Variants in ZNF266 observed in about 807,000 individuals in gnomAD.
ZNF266 encodes zinc finger protein 1.
A neutral mutation model predicts 16.4 loss-of-function variants in ZNF266; 16 were observed. The ratio of observed to expected loss-of-function variants is 0.98; its 90% CI spans 0.66 to 1.48. The LOEUF (loss-of-function observed/expected upper bound fraction) is 1.48, where lower values mean the gene tolerates loss of function less well. Among genes scored for constraint, ZNF266 ranks in the 40% most tolerant of loss-of-function variants. ZNF266 has a pLI of 0.00. For synonymous variants in ZNF266, 262 were observed against 237.9 expected (o/e 1.10, Z -0.93); for missense variants, 738 against 689.1 (o/e 1.07, Z -0.79).
Position 9,417,819 on chromosome 19 carries a change from A to G in ZNF266, c.316+9T>C. 1 of 1,613,070 alleles carries G rather than the reference A, an allele frequency of 6.2e-7. No individual in the cohort carries two copies. The highest frequency in any genetic ancestry group is 8.5e-7 in the Non-Finnish European group (1 of 1,179,256). On this transcript the variant is annotated intron_variant, in intron 9 of 10. Transcript: ENST00000592904. The stretch of plus-strand genomic sequence containing the variant: ...TTATTGACCAGGGCGGTCCTTTGTG[A>G]ACACTCACCTTGGAAATCACCTCTC...
rs2123562611 is a variant in ZNF266 at position 9,434,254 on chromosome 19, G to C, written c.-409-19C>G. 6.6e-6 allele frequency: 1 copy of C among 152,230 alleles called. No individual in the cohort carries two copies. The highest frequency in any genetic ancestry group is 2.4e-5 in the African/African-American group (1 of 41,530). The allele number at this position is 152,230 out of a possible 1,614,324, so 9.4% of individuals were successfully genotyped here. On this transcript the variant is annotated intron_variant, in intron 3 of 10. Transcript: ENST00000592904. Reference sequence around the variant, plus strand: ...GCATTGCCTATTCCAAAGAAAAATAGAGAAAATAATTCTGTCCTCTACTTT... The same window carrying C: ...GCATTGCCTATTCCAAAGAAAAATACAGAAAATAATTCTGTCCTCTACTTT...
intron 8 of ZNF266, 83 bp downstream of exon 8, chr19:9,418,422 G>A: frequency 2.1e-6 from 3 of 1,430,640 alleles, no homozygotes; most frequent in Non-Finnish European, 3.0e-6. Context: ...TGTGTTCAGA[G>A]TTGCTATCTC....
chr19:9,423,793 C>A (rs540645755), intron 5 of ZNF266, among the ~76,000 whole-genome samples: 1 of 152,014 alleles, frequency 6.6e-6, no homozygotes, highest in Non-Finnish European at 1.5e-5. Context: ...GTCAGGAGTT[C>A]GTGACCAGCC....
intron 9 of ZNF266, among the ~76,000 whole-genome samples, 155 bp from the exon 10 acceptor site, chr19:9,415,897 C>T (rs1299804453): frequency 6.6e-6 from 1 of 152,178 alleles, no homozygotes; most frequent in Non-Finnish European, 1.5e-5. Flanking sequence ...GGTCTCAGCT[C>T]ACTGCAACCT....
At chr19:9,427,575 C>A (rs1008348052) in intron 5 of ZNF266, among the ~76,000 whole-genome samples, 1 of 152,124 alleles carries the variant, frequency 6.6e-6, no homozygotes, top group African/African-American at 2.4e-5. Context: ...GATCTGCCCA[C>A]CTCGGCCTCC....
intron 5 of ZNF266, chr19:9,420,759 GA>G (rs111966229): frequency 0.61 from 88,653 of 145,592 alleles, 26,342 homozygotes; most frequent in African/African-American, 0.67. Context: ...CTCTCAAAAG[GA>G]AAAAAAAAAA....
chr19:9,413,228 C>A lies in ZNF266; in HGVS notation c.*47G>T. The A allele has an allele frequency of 6.6e-7, 1 of 1,523,762 alleles. No homozygotes were observed. The highest frequency in any genetic ancestry group is 1.3e-5 in the South Asian group (1 of 74,610). The allele number at this position is 1,523,762 out of a possible 1,614,324, so 94.4% of individuals were successfully genotyped here. ...ATAGGGTTTCTCCCCAGTGAGTTTT[C>A]ATGTCTTCAGAGAGAACAGGGACAC... On this transcript the variant is annotated 3_prime_UTR_variant, in exon 11 of 11. Transcript: ENST00000592904.
At chr19:9,434,777 C>T (rs994003749) in intron 3 of ZNF266, 21 bp downstream of exon 3, 1 of 152,182 alleles carries the variant, frequency 6.6e-6, no homozygotes, top group East Asian at 1.9e-4. Context: ...TTAAGTGTCA[C>T]GCCTGCAATG....
chr19:9,426,898 G>A (rs1029103488), intron 5 of ZNF266, among the ~76,000 whole-genome samples: 18 of 152,106 alleles, frequency 1.2e-4, no homozygotes, highest in African/African-American at 4.1e-4. Flanking sequence ...TAGTACCCAT[G>A]GCCCTAAAAT....
Position 9,420,094 on chromosome 19 carries a change from C to G in ZNF266, c.-5G>C, listed in dbSNP as rs1367925298. 1 of 152,956 alleles carries G rather than the reference C, an allele frequency of 6.5e-6. No individual in the cohort carries two copies. The highest frequency in any genetic ancestry group is 2.4e-5 in the African/African-American group (1 of 41,420). The allele number at this position is 152,956 out of a possible 1,614,324, so 9.5% of individuals were successfully genotyped here. On this transcript the variant is annotated 5_prime_UTR_variant, in exon 6 of 11. Coordinates refer to ENST00000592904, the MANE Select transcript of ZNF266 (RefSeq NM_001370374.1). ...GGACAAATCAGTGGCTGCCATCCCA[C>G]AGGGCTGATGGCTGAATGTGCTTCA... is the stretch of plus-strand genomic sequence containing the variant.
chr19:9,432,772 A>C (rs2071810203), intron 5 of ZNF266, among the ~76,000 whole-genome samples: 1 of 130,688 alleles, frequency 7.7e-6, no homozygotes, highest in South Asian at 2.7e-4. Flanking sequence ...ATGTGATGGC[A>C]GTTAACAGTG....
chr19:9,431,323 C>T (rs371854008), intron 5 of ZNF266, among the ~76,000 whole-genome samples: 2 of 152,160 alleles, frequency 1.3e-5, no homozygotes, highest in Non-Finnish European at 2.9e-5. Flanking sequence ...CTAATATGGA[C>T]GCCACATGCT....
At position 9,414,589 on chromosome 19, in the gene ZNF266, T is replaced by C; in HGVS notation, c.537A>G (p.Gly179=). 6.2e-7 allele frequency: 1 copy of C among 1,613,610 alleles called. No homozygotes were observed. The highest frequency in any genetic ancestry group is 8.5e-7 in the Non-Finnish European group (1 of 1,179,502). Residue 179 remains glycine, a synonymous_variant, in exon 11 of 11, where the codon GGA becomes GGG. Transcript: ENST00000592904. ...TCTTGTGCAGAGTAAGGAAGTCTAC[T>C]CCATACAGATAACACTCAAATGTGT... The part of the protein sequence containing the change: ...SENTFECYLY[G]VDFLTLHKKT...
At chr19:9,416,342 C>A (rs2068974113) in intron 9 of ZNF266, among the ~76,000 whole-genome samples, 1 of 138,824 alleles carries the variant, frequency 7.2e-6, no homozygotes, top group Non-Finnish European at 1.5e-5. Context: ...CACATCAAAA[C>A]AAGGAGCTTG....
intron 5 of ZNF266, among the ~76,000 whole-genome samples, chr19:9,430,666 G>T (rs1016475960): frequency 6.6e-6 from 1 of 152,132 alleles, no homozygotes; most frequent in African/African-American, 2.4e-5. Context: ...TGTGCTGTTT[G>T]TGACATAGCC....
At chr19:9,421,011 C>T (rs1349383649) in intron 5 of ZNF266, among the ~76,000 whole-genome samples, 1 of 119,434 alleles carries the variant, frequency 8.4e-6, no homozygotes, top group African/African-American at 3.2e-5. Context: ...GAGTATGACC[C>T]AACAACAGAA....
At chr19:9,415,235 C>T (rs2068801629) in intron 10 of ZNF266, among the ~76,000 whole-genome samples, 1 of 152,146 alleles carries the variant, frequency 6.6e-6, no homozygotes, top group Admixed American at 6.5e-5. Flanking sequence ...GTGGAGGTTG[C>T]AGTGAGCCAA....
At position 9,414,009 on chromosome 19, in the gene ZNF266, T is replaced by A; in HGVS notation, c.1117A>T (p.Thr373Ser). The change falls in exon 11 of 11, where the codon ACT becomes TCT. Residue 373 changes from threonine to serine, a missense_variant. Transcript: ENST00000592904. ...TGTTCAGTAAGTTGAGAAGATCTAG[T>A]GAAGGCTATCCCACATTCCTTGCAT... ...YECKECGIAF[T>S]RSSQLTEHLK... is the part of the protein sequence containing the mutation. 1.2e-6 allele frequency: 2 copies of A among 1,614,168 alleles called. No individual in the cohort carries two copies. Among genetic ancestry groups the A allele is most frequent in the Non-Finnish European group, 1.7e-6 (2 of 1,180,012 alleles).
chr19:9,420,939 G>A (rs1599478916), intron 5 of ZNF266, among the ~76,000 whole-genome samples: 1 of 151,962 alleles, frequency 6.6e-6, no homozygotes, highest in East Asian at 1.9e-4. Context: ...GTCTAAACCT[G>A]CACAGTACAA....
Sources: gnomAD v4.1 joint callset for allele counts (sites outside exome capture counted in the v4.1 genomes callset) on GRCh38, gnomAD v4.1.1 for gene constraint, MANE v1.5 for transcripts, NCBI Gene and HGNC (gene_info 2026-07-23, HGNC 2026-07-21) for gene names.